The following NOA1 variants were observed in gnomAD, a reference collection of about 807,000 sequenced individuals.
NOA1 encodes nitric oxide-associated protein 1.
In NOA1, 35 loss-of-function variants were observed where a neutral mutation model predicts 58.4. That is an observed-to-expected ratio of 0.60 (90% CI 0.46 to 0.79). The LOEUF is 0.79. NOA1 is among the 30% of genes least tolerant of loss of function. The pLI is 0.00. For missense variants in NOA1, 895 were observed against 894.6 expected, an observed-to-expected ratio of 1.00 and a Z score of -0.01; for synonymous variants, 397 against 373.4, an observed-to-expected ratio of 1.06 and a Z score of -0.73.
chr4:56,974,600 C>G (rs114720702), intron 1 of NOA1, among the ~76,000 whole-genome samples: 1 of 149,030 alleles, frequency 6.7e-6, no homozygotes, highest in Admixed American at 6.7e-5. Flanking sequence ...TGCCGTGAGG[C>G]GAGATCGCAC....
chr4:56,970,527 T>C (rs1233459857), intron 3 of NOA1, among the ~76,000 whole-genome samples: 1 of 151,596 alleles, frequency 6.6e-6, no homozygotes, highest in Non-Finnish European at 1.5e-5. Flanking sequence ...TGATCTCGGC[T>C]CACTGCAACC....
At chr4:56,966,203 T>G (rs1284483734) in intron 5 of NOA1, among the ~76,000 whole-genome samples, 1 of 152,008 alleles carries the variant, frequency 6.6e-6, no homozygotes, top group Non-Finnish European at 1.5e-5. Flanking sequence ...ATTTTTGTAT[T>G]TTTAGTAGAG....
chr4:56,970,557 A>G (rs956338179), intron 3 of NOA1, among the ~76,000 whole-genome samples: 2 of 151,700 alleles, frequency 1.3e-5, no homozygotes, highest in African/African-American at 2.4e-5. Flanking sequence ...CAATAAGTGT[A>G]TCAAGTGATT....
intron 3 of NOA1, 56 bp from the exon 4 acceptor site, chr4:56,968,571 TTA>T (rs1168023239): frequency 7.3e-7 from 1 of 1,367,280 alleles, no homozygotes; most frequent in African/African-American, 1.5e-5. Flanking sequence ...ATATGATATA[TTA>T]TGATTTACCC....
intron 3 of NOA1, among the ~76,000 whole-genome samples, chr4:56,972,078 G>C (rs1170751913): frequency 6.6e-6 from 1 of 151,350 alleles, no homozygotes; most frequent in Non-Finnish European, 1.5e-5. Flanking sequence ...AGTACAGACA[G>C]GGTTTCACCG....
intron 2 of NOA1, among the ~76,000 whole-genome samples, 198 bp downstream of exon 2, chr4:56,973,660 G>A (rs1367437991): frequency 2.0e-5 from 3 of 152,050 alleles, no homozygotes; most frequent in African/African-American, 7.2e-5. Context: ...CTGCTGCATG[G>A]AGTAAAAACT....
intron 2 of NOA1, 140 bp from the exon 3 acceptor site, chr4:56,973,493 T>C: frequency 1.3e-6 from 1 of 763,280 alleles, no homozygotes; most frequent in South Asian, 1.8e-5. Context: ...TGCTTTTTTT[T>C]TTTTCCAAAA....
intron 1 of NOA1, among the ~76,000 whole-genome samples, chr4:56,975,837 C>G (rs900938701): frequency 1.3e-5 from 2 of 152,064 alleles, no homozygotes; most frequent in Admixed American, 6.5e-5. Flanking sequence ...TGCACTCTAG[C>G]CTGGGCAACA....
At position 56,977,300 on chromosome 4, in the gene NOA1, GC is replaced by G; in HGVS notation, c.285del (p.Gln95HisfsTer45). The G allele has an allele frequency of 6.2e-7, 1 of 1,614,062 alleles. No homozygotes were observed. Among genetic ancestry groups the G allele is most frequent in the Admixed American group, 1.7e-5 (1 of 60,028 alleles). On this transcript the variant is annotated frameshift_variant, in exon 1 of 7. Coordinates refer to ENST00000264230, the MANE Select transcript of NOA1 (RefSeq NM_032313.4). LOFTEE classifies it high-confidence loss of function. ...TGTCGCTCCTCCTCCTCCTGCTGTT[GC>G]TGGAGCTCCTGCAGCTGCTTTTCGC... The part of the protein sequence containing the change: ...PTREKQLQEL[Q>X]QQQEEEERQR...
chr4:56,966,453 G>C (rs1297708893), intron 5 of NOA1, among the ~76,000 whole-genome samples, 167 bp downstream of exon 5: 2 of 152,192 alleles, frequency 1.3e-5, no homozygotes, highest in Non-Finnish European at 2.9e-5. Flanking sequence ...AGTCTATATA[G>C]AGCAATTTTG....
chr4:56,968,318 A>G, intron 4 of NOA1, 66 bp downstream of exon 4: 1 of 1,484,776 alleles, frequency 6.7e-7, no homozygotes, highest in Non-Finnish European at 9.2e-7. Context: ...GTGTTCATAC[A>G]TCTGCTTCCT....
intron 1 of NOA1, 124 bp downstream of exon 1, chr4:56,976,318 T>G: frequency 1.3e-6 from 1 of 778,810 alleles, no homozygotes; most frequent in Non-Finnish European, 2.0e-6. Flanking sequence ...GGGGAGAGAA[T>G]TTGTAAAGGG....
intron 1 of NOA1, among the ~76,000 whole-genome samples, chr4:56,974,972 G>A (rs993915753): frequency 1.3e-5 from 2 of 151,816 alleles, no homozygotes; most frequent in Non-Finnish European, 2.9e-5. Flanking sequence ...CAAAGTGCTC[G>A]GATTACAGGT....
chr4:56,966,303 G>T (rs1290669734), intron 5 of NOA1, among the ~76,000 whole-genome samples: 1 of 152,146 alleles, frequency 6.6e-6, no homozygotes, highest in Non-Finnish European at 1.5e-5. Flanking sequence ...GGGATTATAG[G>T]CGTGAGCCAC....
intron 1 of NOA1, among the ~76,000 whole-genome samples, chr4:56,975,395 A>G (rs1425743712): frequency 6.9e-6 from 1 of 145,698 alleles, no homozygotes; most frequent in African/African-American, 2.5e-5. Context: ...CTTTGGGAGG[A>G]CGAGGTGGGC....
At chr4:56,973,474 T>C in intron 2 of NOA1, 121 bp from the exon 3 acceptor site, 1 of 841,726 alleles carries the variant, frequency 1.2e-6, no homozygotes. Flanking sequence ...GAGACCATAA[T>C]GATACTTTTG....
rs368562246 is a variant in NOA1, at chr4:56,976,930, T to C, written c.656A>G (p.Tyr219Cys). The C allele has an allele frequency of 7.5e-6, 12 of 1,609,360 alleles. No individual in the cohort carries two copies. In the African/African-American group the frequency reaches 1.6e-4, roughly 21 times the overall value. ...LRRPGPSLVL[Y>C]MVDLLDLPDA... is the part of the protein sequence containing the mutation. The stretch of plus-strand genomic sequence containing the variant: ...GGGCAGGTCCAGCAGGTCCACCATG[T>C]AGAGCACCAGGGAGGGGCCGGGCCG... Residue 219 changes from tyrosine (Y) to cysteine (C), a missense_variant, in exon 1 of 7, where the codon TAC becomes TGC. Transcript: ENST00000264230.
At chr4:56,967,328 C>T (rs1721731511) in intron 4 of NOA1, among the ~76,000 whole-genome samples, 1 of 150,654 alleles carries the variant, frequency 6.6e-6, no homozygotes, top group East Asian at 2.0e-4. Flanking sequence ...CACAGTGAGC[C>T]GTGACTGTAC....
At chr4:56,967,037 T>C (rs11932673) in intron 4 of NOA1, among the ~76,000 whole-genome samples, 23,378 of 152,080 alleles carry the variant, frequency 0.15, 2,085 homozygotes, top group Admixed American at 0.25. Flanking sequence ...TAATTGTCTC[T>C]GTGTAAAGTT....
Sources: gnomAD v4.1 joint callset for allele counts (sites outside exome capture counted in the v4.1 genomes callset) on GRCh38, gnomAD v4.1.1 for gene constraint, MANE v1.5 for transcripts, NCBI Gene and HGNC (gene_info 2026-07-23, HGNC 2026-07-21) for gene names.